Variants in USP39 observed in about 807,000 individuals in gnomAD.
USP39 encodes the protein ubiquitin carboxyl-terminal hydrolase 39.
In USP39, 38 loss-of-function variants were observed where a neutral mutation model predicts 66.4. The ratio of observed to expected loss-of-function variants is 0.57; its 90% CI spans 0.44 to 0.75. USP39 has a LOEUF of 0.75. Ranked by LOEUF, USP39 falls within the 30% of genes least tolerant of loss-of-function variation. The pLI, the probability that USP39 is intolerant of heterozygous loss-of-function variation, is 0.00. For missense variants in USP39, 608 were observed against 714.4 expected, an observed-to-expected ratio of 0.85 and a Z score of 1.70; for synonymous variants, 303 against 274.6, an observed-to-expected ratio of 1.10 and a Z score of -1.02.
intron 5 of USP39, among the ~76,000 whole-genome samples, chr2:85,627,661 G>A (rs941837490): frequency 2.2e-4 from 34 of 152,052 alleles, no homozygotes; most frequent in Middle Eastern, 3.4e-3. Flanking sequence ...TGGGCACAGT[G>A]GTGCATGCAT....
At chr2:85,624,490 C>T (rs977632482) in intron 4 of USP39, among the ~76,000 whole-genome samples, 1 of 151,960 alleles carries the variant, frequency 6.6e-6, no homozygotes, top group African/African-American at 2.4e-5. Context: ...GGACTGTAGG[C>T]GTTACCATCA....
At chr2:85,613,280 G>A (rs1412273127), upstream of USP39, among the ~76,000 whole-genome samples, 4 of 152,018 alleles carry the variant, frequency 2.6e-5, no homozygotes, top group Admixed American at 6.6e-5. Flanking sequence ...AGGCCCAGGC[G>A]GGCAGATCAA....
intron 7 of USP39, among the ~76,000 whole-genome samples, chr2:85,637,003 C>T (rs934441918): frequency 6.6e-6 from 1 of 152,150 alleles, no homozygotes; most frequent in Admixed American, 6.6e-5. Context: ...GACATTGTCT[C>T]CCTTTGAAAG....
intron 6 of USP39, among the ~76,000 whole-genome samples, chr2:85,631,940 G>A (rs1023475610): frequency 1.3e-5 from 1 of 79,350 alleles, no homozygotes; most frequent in African/African-American, 5.8e-5. Flanking sequence ...GTAGAGAGGG[G>A]GTTTCACCAT....
chr2:85,617,683 C>A (rs941188081), intron 1 of USP39, among the ~76,000 whole-genome samples: 1 of 152,188 alleles, frequency 6.6e-6, no homozygotes, highest in African/African-American at 2.4e-5. Flanking sequence ...TCTCTAAGCA[C>A]GGGGTTCGTC....
intron 6 of USP39, among the ~76,000 whole-genome samples, chr2:85,635,711 C>G (rs554968170): frequency 6.6e-6 from 1 of 152,280 alleles, no homozygotes; most frequent in African/African-American, 2.4e-5. Context: ...AGACAGGAAT[C>G]TTCATGAGCT....
intron 7 of USP39, among the ~76,000 whole-genome samples, 156 bp from the exon 8 acceptor site, chr2:85,637,213 G>A (rs1162288111): frequency 6.6e-6 from 1 of 152,160 alleles, no homozygotes; most frequent in East Asian, 1.9e-4. Flanking sequence ...GTACCCTGGT[G>A]GTATATAGTA....
intron 1 of USP39, among the ~76,000 whole-genome samples, chr2:85,605,956 CAA>C (rs979494812): frequency 1.3e-5 from 2 of 152,214 alleles, no homozygotes; most frequent in African/African-American, 2.4e-5. Context: ...TTACATTCTT[CAA>C]AGACTTCCGT....
At chr2:85,611,589 T>C (rs1225474002), upstream of USP39, 2 of 1,552,110 alleles carry the variant, frequency 1.3e-6, no homozygotes, top group Admixed American at 3.9e-5. Flanking sequence ...GAGTAAGAAG[T>C]GGTTTTTCCC....
chr2:85,649,066 G>A lies in USP39; in HGVS notation c.*258G>A, dbSNP rs951173406. On this transcript the variant is annotated 3_prime_UTR_variant, in exon 13 of 13. Coordinates refer to ENST00000323701, the MANE Select transcript of USP39 (RefSeq NM_006590.4). ...TTGAGCTCCCATCTAGCTTCAGCAG[G>A]GCAGAACCCTTCTCCAGATGTGTGT... 8.0e-6 allele frequency: 4 copies of A among 497,064 alleles called. No homozygotes were observed. Among genetic ancestry groups the A allele is most frequent in the Non-Finnish European group, 1.4e-5 (4 of 277,850 alleles). 30.8% of individuals were successfully genotyped at this position (497,064 alleles called of 1,614,324 possible). A position where few individuals can be genotyped will look rare whatever the true frequency, so the allele number is the denominator to read the frequency against.
intron 3 of USP39, among the ~76,000 whole-genome samples, chr2:85,623,384 T>C (rs1195041017): frequency 6.7e-6 from 1 of 150,068 alleles, no homozygotes; most frequent in Non-Finnish European, 1.5e-5. Flanking sequence ...ATATTTTACA[T>C]ATATATTAAA....
upstream of USP39, among the ~76,000 whole-genome samples, chr2:85,615,636 GCTT>G (rs532299202): frequency 1.3e-5 from 2 of 152,226 alleles, no homozygotes; most frequent in South Asian, 4.1e-4. Context: ...CCGAATGACA[GCTT>G]CTTTGTTTTT....
upstream of USP39, chr2:85,612,000 C>A: frequency 6.7e-7 from 1 of 1,503,158 alleles, no homozygotes; most frequent in Non-Finnish European, 8.8e-7. Context: ...GCCGGGGACG[C>A]AGAGTCGCCG....
intron 5 of USP39, among the ~76,000 whole-genome samples, chr2:85,628,686 G>T (rs548648147): frequency 3.3e-5 from 5 of 152,190 alleles, no homozygotes; most frequent in South Asian, 2.1e-4. Context: ...GCTGAGGCCA[G>T]AGTGCAACCT....
upstream of USP39, among the ~76,000 whole-genome samples, chr2:85,614,666 G>A (rs1673792834): frequency 6.6e-6 from 1 of 152,180 alleles, no homozygotes; most frequent in South Asian, 2.1e-4. Context: ...TCTGCTACAA[G>A]GGTTTGTGAT....
intron 7 of USP39, among the ~76,000 whole-genome samples, chr2:85,636,355 C>T (rs1011315723): frequency 6.6e-6 from 1 of 152,052 alleles, no homozygotes; most frequent in African/African-American, 2.4e-5. Context: ...GTAGTCCCAG[C>T]GACTTGGGAG....
At chr2:85,625,245 G>A (rs1413017827) in intron 4 of USP39, among the ~76,000 whole-genome samples, 1 of 152,156 alleles carries the variant, frequency 6.6e-6, no homozygotes, top group Non-Finnish European at 1.5e-5. Context: ...AGGAACTTGA[G>A]TATTGTATGG....
chr2:85,619,171 C>T (rs1391916347), intron 1 of USP39, 49 bp from the exon 2 acceptor site: 1 of 1,598,560 alleles, frequency 6.3e-7, no homozygotes. Flanking sequence ...TTAGTTGGCC[C>T]TGAGTATAGG....
At chr2:85,624,596 AT>A (rs973090014) in intron 4 of USP39, among the ~76,000 whole-genome samples, 3 of 152,196 alleles carry the variant, frequency 2.0e-5, no homozygotes, top group Non-Finnish European at 4.4e-5. Flanking sequence ...AAAACGTGGT[AT>A]TTAGTCTTTG....
Sources: gnomAD v4.1 joint callset for allele counts (sites outside exome capture counted in the v4.1 genomes callset) on GRCh38, gnomAD v4.1.1 for gene constraint, MANE v1.5 for transcripts, NCBI Gene and HGNC (gene_info 2026-07-23, HGNC 2026-07-21) for gene names.